The following SMAD3 variants were observed in gnomAD, a reference collection of about 807,000 sequenced individuals.
SMAD3 encodes MAD homolog 3.
A neutral mutation model predicts 51.8 loss-of-function variants in SMAD3; 12 were observed. That is an observed-to-expected ratio of 0.23 (90% CI 0.15 to 0.38). SMAD3 has a LOEUF of 0.38. Among genes scored for constraint, SMAD3 ranks in the 10% least tolerant of loss-of-function variants. SMAD3 has a pLI of 1.00. For missense variants in SMAD3, 294 were observed against 565.6 expected, an observed-to-expected ratio of 0.52 and a Z score of 4.87; for synonymous variants, 238 against 227.7, an observed-to-expected ratio of 1.05 and a Z score of -0.41.
At chr15:67,101,268 C>T (rs1482041390) in intron 1 of SMAD3, among the ~76,000 whole-genome samples, 1 of 152,202 alleles carries the variant, frequency 6.6e-6, no homozygotes, top group Non-Finnish European at 1.5e-5. Context: ...ACACCTGACA[C>T]TACAGGAAAT....
At chr15:67,094,694 A>G (rs906595681) in intron 1 of SMAD3, among the ~76,000 whole-genome samples, 1 of 152,238 alleles carries the variant, frequency 6.6e-6, no homozygotes, top group African/African-American at 2.4e-5. Context: ...GTGGGGCTGC[A>G]CTGATGTAGG....
At chr15:67,148,923 C>G (rs1175567566) in intron 1 of SMAD3, among the ~76,000 whole-genome samples, 1 of 152,214 alleles carries the variant, frequency 6.6e-6, no homozygotes, top group Non-Finnish European at 1.5e-5. Flanking sequence ...GCTAGGTTTC[C>G]TTTCCCTCAA....
chr15:67,106,939 C>T (rs1960891967), intron 1 of SMAD3, among the ~76,000 whole-genome samples: 1 of 152,074 alleles, frequency 6.6e-6, no homozygotes, highest in Admixed American at 6.5e-5. Context: ...ACATATCATT[C>T]CCCAGTGGTT....
intron 6 of SMAD3, among the ~76,000 whole-genome samples, chr15:67,182,867 C>T (rs956496469): frequency 4.0e-5 from 6 of 150,748 alleles, no homozygotes; most frequent in African/African-American, 1.5e-4. Flanking sequence ...TAGGGTCTTG[C>T]TATGTTGCCC....
intron 4 of SMAD3, among the ~76,000 whole-genome samples, chr15:67,169,480 A>C (rs559719111): frequency 6.6e-6 from 1 of 152,162 alleles, no homozygotes; most frequent in African/African-American, 2.4e-5. Context: ...GTTAACAAAT[A>C]GTCTCCTTTT....
intron 1 of SMAD3, among the ~76,000 whole-genome samples, chr15:67,117,505 C>T (rs1170718596): frequency 6.6e-6 from 1 of 152,154 alleles, no homozygotes; most frequent in East Asian, 1.9e-4. Flanking sequence ...CACAGAGCAG[C>T]TGTCTCCTTT....
chr15:67,067,822 G>A (rs1460912821), intron 1 of SMAD3, among the ~76,000 whole-genome samples: 1 of 152,180 alleles, frequency 6.6e-6, no homozygotes, highest in Non-Finnish European at 1.5e-5. Flanking sequence ...GAGGTGGTGT[G>A]ATGTGATGGT....
chr15:67,100,781 C>T (rs1368764502), intron 1 of SMAD3, among the ~76,000 whole-genome samples: 1 of 152,134 alleles, frequency 6.6e-6, no homozygotes, highest in African/African-American at 2.4e-5. Context: ...ATGGGACTTT[C>T]CAATCCAGGC....
At chr15:67,121,337 C>G (rs1961257071) in intron 1 of SMAD3, among the ~76,000 whole-genome samples, 1 of 152,196 alleles carries the variant, frequency 6.6e-6, no homozygotes, top group South Asian at 2.1e-4. Flanking sequence ...CAGGCCACTG[C>G]CAGCCGGCCT....
At chr15:67,085,240 G>A (rs1292405155) in intron 1 of SMAD3, among the ~76,000 whole-genome samples, 1 of 152,180 alleles carries the variant, frequency 6.6e-6, no homozygotes, top group Non-Finnish European at 1.5e-5. Flanking sequence ...CACCATAGGG[G>A]CTCCTCTGGT....
intron 1 of SMAD3, among the ~76,000 whole-genome samples, chr15:67,157,384 C>G (rs902442699): frequency 1.3e-5 from 2 of 152,196 alleles, no homozygotes; most frequent in Non-Finnish European, 2.9e-5. Context: ...TTCATCCAAC[C>G]TGCCCCTATC....
chr15:67,082,343 G>A (rs575826072), intron 1 of SMAD3, among the ~76,000 whole-genome samples: 8 of 152,218 alleles, frequency 5.3e-5, no homozygotes, highest in East Asian at 1.9e-4. Flanking sequence ...AAGCAGTTGC[G>A]ATTTCTGTCT....
intron 1 of SMAD3, among the ~76,000 whole-genome samples, chr15:67,069,200 G>A (rs1246898495): frequency 2.6e-5 from 4 of 152,166 alleles, no homozygotes; most frequent in African/African-American, 7.2e-5. Flanking sequence ...GGGAGCTGGC[G>A]TGATACACAC....
chr15:67,178,658 T>C (rs933313535), intron 5 of SMAD3, among the ~76,000 whole-genome samples: 1 of 130,046 alleles, frequency 7.7e-6, no homozygotes, highest in African/African-American at 2.9e-5. Context: ...CTCTGAATGC[T>C]TGGGTTGCAC....
intron 1 of SMAD3, among the ~76,000 whole-genome samples, chr15:67,115,991 G>A (rs531471510): frequency 6.8e-6 from 1 of 147,994 alleles, no homozygotes; most frequent in African/African-American, 2.4e-5. Context: ...TGTAACCACT[G>A]TACCCTCTGG....
intron 1 of SMAD3, among the ~76,000 whole-genome samples, chr15:67,142,322 C>A (rs925108740): frequency 1.3e-5 from 2 of 151,642 alleles, no homozygotes; most frequent in African/African-American, 4.8e-5. Flanking sequence ...TTTACTGTAC[C>A]TCCATGGTTT....
intron 6 of SMAD3, among the ~76,000 whole-genome samples, chr15:67,183,684 T>A (rs1963145314): frequency 6.6e-6 from 1 of 152,190 alleles, no homozygotes; most frequent in Non-Finnish European, 1.5e-5. Context: ...GCAGAGACTT[T>A]GCCATGCAGG....
Position 67,066,253 on chromosome 15 carries a change from G to A in SMAD3, c.99G>A (p.Lys33=), listed in dbSNP as rs1959913592. 2 of 1,613,710 alleles carry A rather than the reference G, an allele frequency of 1.2e-6. No homozygotes were observed. Among genetic ancestry groups the A allele is most frequent in the Middle Eastern group, 1.6e-4 (1 of 6,074 alleles). The change falls in exon 1 of 9, where the codon AAG becomes AAA. Residue 33 remains lysine, a synonymous_variant. Transcript: ENST00000327367. ...GGCAGGAGGAGAAATGGTGCGAGAAGGCGGTCAAGAGCCTGGTCAAGAAAC... is the reference window on the plus strand; with the variant it reads ...GGCAGGAGGAGAAATGGTGCGAGAAAGCGGTCAAGAGCCTGGTCAAGAAAC... The part of the protein sequence containing the change: ...QNGQEEKWCE[K]AVKSLVKKLK...
At chr15:67,094,043 G>T (rs557102238) in intron 1 of SMAD3, among the ~76,000 whole-genome samples, 2 of 152,214 alleles carry the variant, frequency 1.3e-5, no homozygotes, top group Non-Finnish European at 2.9e-5. Context: ...GTGTGACCAC[G>T]GTGCTTCCCA....
Sources: allele counts gnomAD v4.1 joint callset (sites outside exome capture counted in the v4.1 genomes callset), GRCh38; gene constraint gnomAD v4.1.1; transcripts MANE v1.5; gene names NCBI Gene and HGNC (gene_info 2026-07-23, HGNC 2026-07-21).